The following MIPOL1 variants were observed in gnomAD, a reference collection of about 807,000 sequenced individuals.
MIPOL1 encodes mirror-image polydactyly 1.
Under a neutral mutation model 60.9 loss-of-function variants are expected in MIPOL1, and 57 were observed. The observed-to-expected ratio is 0.94, with a 90% CI of 0.76 to 1.17. MIPOL1 has a LOEUF of 1.17. MIPOL1 is among the 50% of genes most tolerant of loss of function. The pLI, the probability that MIPOL1 is intolerant of heterozygous loss-of-function variation, is 0.00. For missense variants in MIPOL1, 551 were observed against 511.6 expected (o/e 1.08, Z -0.74); for synonymous variants, 179 against 168.8 (o/e 1.06, Z -0.47).
chr14:37,309,590 T>A (rs964878301), intron 9 of MIPOL1, among the ~76,000 whole-genome samples: 5 of 152,150 alleles, frequency 3.3e-5, no homozygotes, highest in African/African-American at 1.2e-4. Flanking sequence ...GGTCATACTC[T>A]GTTCCTGGTC....
chr14:37,357,399 A>G (rs1467499985), intron 9 of MIPOL1, among the ~76,000 whole-genome samples: 1 of 151,940 alleles, frequency 6.6e-6, no homozygotes, highest in Non-Finnish European at 1.5e-5. Flanking sequence ...CCCTTTTTCC[A>G]CATGCTCACC....
intron 11 of MIPOL1, among the ~76,000 whole-genome samples, chr14:37,427,386 A>C (rs549399042): frequency 8.9e-4 from 136 of 152,280 alleles, no homozygotes; most frequent in African/African-American, 3.1e-3. Context: ...ACAGAAAATA[A>C]AATAGAGGTT....
intron 9 of MIPOL1, among the ~76,000 whole-genome samples, chr14:37,368,574 A>AT (rs2092549567): frequency 6.6e-6 from 1 of 152,006 alleles, no homozygotes; most frequent in Non-Finnish European, 1.5e-5. Context: ...ATGTGTCCTT[A>AT]TTAGTTGTTT....
intron 3 of MIPOL1, among the ~76,000 whole-genome samples, chr14:37,257,095 T>TTGTGTGTGTGTG (rs61079220): frequency 0.042 from 5,792 of 137,606 alleles, 150 homozygotes; most frequent in Non-Finnish European, 0.058. Flanking sequence ...TGGTTTTGTT[T>TTGTGTGTGTGTG]TGTGTGTGTG....
At chr14:37,439,902 A>T (rs1235687729) in intron 11 of MIPOL1, among the ~76,000 whole-genome samples, 1 of 152,176 alleles carries the variant, frequency 6.6e-6, no homozygotes, top group African/African-American at 2.4e-5. Context: ...TCTGTTGCTC[A>T]GGCTGGAGTG....
intron 11 of MIPOL1, among the ~76,000 whole-genome samples, chr14:37,431,063 C>A (rs969884829): frequency 6.6e-6 from 1 of 152,154 alleles, no homozygotes; most frequent in Middle Eastern, 3.2e-3. Context: ...GCAAAGGACC[C>A]AGAGTTTGTA....
At chr14:37,425,011 T>A (rs1004810839) in intron 11 of MIPOL1, among the ~76,000 whole-genome samples, 9 of 152,222 alleles carry the variant, frequency 5.9e-5, no homozygotes, top group Admixed American at 6.5e-5. Context: ...TAAATTAGGA[T>A]CTCTTCTTGG....
intron 12 of MIPOL1, among the ~76,000 whole-genome samples, chr14:37,508,199 T>G (rs757410440): frequency 5.9e-5 from 9 of 152,182 alleles, no homozygotes; most frequent in Non-Finnish European, 1.2e-4. Context: ...TATGTCAGTA[T>G]TCCAGGGAAT....
chr14:37,474,065 TTTAAG>T (rs1427807621), intron 11 of MIPOL1, among the ~76,000 whole-genome samples: 3 of 152,158 alleles, frequency 2.0e-5, no homozygotes, highest in African/African-American at 7.2e-5. Flanking sequence ...CAATATGCAT[TTTAAG>T]TTCCTCCATG....
Position 37,499,938 on chromosome 14 carries a change from T to C in MIPOL1, c.1062T>C (p.Asn354=), listed in dbSNP as rs367555736. 1 of 1,591,658 alleles carries C rather than the reference T, an allele frequency of 6.3e-7. No individual in the cohort carries two copies. Among genetic ancestry groups the C allele is most frequent in the Non-Finnish European group, 8.6e-7 (1 of 1,168,252 alleles). The change falls in exon 12 of 13, where the codon AAT becomes AAC. Residue 354 remains asparagine, a synonymous_variant. Coordinates refer to ENST00000684589, the MANE Select transcript of MIPOL1 (RefSeq NM_001388067.1). ...ACAAATCTTTATCTCAAGAAGAAAA[T>C]CTGAAGGATCAGTTTAACTATACCC... ...SLHKSLSQEE[N]LKDQFNYTLS...
At chr14:37,198,456 C>G (rs1344348763) in intron 1 of MIPOL1, among the ~76,000 whole-genome samples, 2 of 152,108 alleles carry the variant, frequency 1.3e-5, no homozygotes, top group African/African-American at 4.8e-5. Flanking sequence ...CGCTCAACCT[C>G]TGATCGACTC....
chr14:37,440,002 G>A (rs964708825), intron 11 of MIPOL1, among the ~76,000 whole-genome samples: 4 of 152,042 alleles, frequency 2.6e-5, no homozygotes, highest in African/African-American at 9.7e-5. Flanking sequence ...CACCATGCCT[G>A]GCTAATTTGT....
chr14:37,349,092 G>T (rs550604356), intron 9 of MIPOL1, among the ~76,000 whole-genome samples: 1 of 145,774 alleles, frequency 6.9e-6, no homozygotes, highest in African/African-American at 2.5e-5. Context: ...AGGTTCAAGC[G>T]ATTCTCCTGC....
chr14:37,357,657 T>G (rs958730053), intron 9 of MIPOL1, among the ~76,000 whole-genome samples: 2 of 152,118 alleles, frequency 1.3e-5, no homozygotes, highest in African/African-American at 4.8e-5. Context: ...ATCCTGGTTG[T>G]TAATTCCTTG....
At chr14:37,512,809 A>C (rs1210037141) in intron 12 of MIPOL1, among the ~76,000 whole-genome samples, 1 of 152,158 alleles carries the variant, frequency 6.6e-6, no homozygotes, top group Non-Finnish European at 1.5e-5. Flanking sequence ...GGTATAAATC[A>C]ATATTTTATA....
At chr14:37,304,375 G>A (rs2086604960) in intron 7 of MIPOL1, among the ~76,000 whole-genome samples, 1 of 151,524 alleles carries the variant, frequency 6.6e-6, no homozygotes, top group South Asian at 2.1e-4. Context: ...AATAAAAAAG[G>A]ATTCAAGTTA....
chr14:37,260,821 C>T (rs1051590875), intron 3 of MIPOL1, among the ~76,000 whole-genome samples: 2 of 152,032 alleles, frequency 1.3e-5, no homozygotes, highest in African/African-American at 4.8e-5. Flanking sequence ...CCTGTGACTC[C>T]TAAATTAGAT....
At chr14:37,363,163 G>A (rs985319657) in intron 9 of MIPOL1, among the ~76,000 whole-genome samples, 3 of 152,120 alleles carry the variant, frequency 2.0e-5, no homozygotes, top group African/African-American at 7.2e-5. Flanking sequence ...CTGGTGAGGA[G>A]CTGCGATCCT....
chr14:37,538,807 G>A (rs1021673349), intron 12 of MIPOL1, among the ~76,000 whole-genome samples: 21 of 152,242 alleles, frequency 1.4e-4, no homozygotes, highest in African/African-American at 3.6e-4. Flanking sequence ...GAGTGAGATC[G>A]CACATCAAGA....
Sources: allele counts gnomAD v4.1 joint callset (sites outside exome capture counted in the v4.1 genomes callset), GRCh38; gene constraint gnomAD v4.1.1; transcripts MANE v1.5; gene names NCBI Gene and HGNC (gene_info 2026-07-23, HGNC 2026-07-21).